Variants in IQSEC2 observed in about 807,000 individuals in gnomAD.
The protein encoded by IQSEC2 is IQ motif and SEC7 domain-containing protein 2.
A neutral mutation model predicts 74.6 loss-of-function variants in IQSEC2; 6 were observed. That is an observed-to-expected ratio of 0.08 (90% confidence interval 0.04 to 0.16). IQSEC2 has a LOEUF of 0.16. IQSEC2 is among the 10% of genes least tolerant of loss of function. The probability of loss-of-function intolerance (pLI) is 1.00; values close to 1 mark genes in which losing one functional copy is unlikely to be tolerated. For synonymous variants in IQSEC2, 494 were observed against 544.5 expected (o/e 0.91, Z 1.29); for missense variants, 734 against 1,306.2 (o/e 0.56, Z 6.75).
At chrX:53,284,359 C>A (rs1275670827) in intron 2 of IQSEC2, among the ~76,000 whole-genome samples, 1 of 109,589 alleles carries the variant, frequency 9.1e-6, no homozygotes, top group African/African-American at 3.3e-5. Context: ...CTCAGCCTTC[C>A]CCCCACCTTC....
At chrX:53,317,154 G>C (rs140777532) in intron 1 of IQSEC2, among the ~76,000 whole-genome samples, 341 of 112,126 alleles carry the variant, frequency 3.0e-3, no homozygotes, top group Non-Finnish European at 5.0e-3. Flanking sequence ...TAATCAACCA[G>C]GCTTGGGGGG....
intron 8 of IQSEC2, among the ~76,000 whole-genome samples, chrX:53,245,182 T>C (rs1206847963): frequency 3.6e-5 from 4 of 110,497 alleles, no homozygotes; most frequent in African/African-American, 1.3e-4. Flanking sequence ...GGCTCACACC[T>C]GTAATCCCAG....
At chrX:53,280,772 G>A (rs1202779939) in intron 2 of IQSEC2, among the ~76,000 whole-genome samples, 1 of 111,721 alleles carries the variant, frequency 9.0e-6, no homozygotes, top group Non-Finnish European at 1.9e-5. Flanking sequence ...GAGGCTGAGG[G>A]CCTGGTCCCT....
chrX:53,255,528 T>A (rs1380119296), intron 3 of IQSEC2, among the ~76,000 whole-genome samples: 1 of 111,755 alleles, frequency 8.9e-6, no homozygotes, highest in African/African-American at 3.3e-5. Context: ...TAGACTGAGT[T>A]TTTTGGGGAC....
At position 53,233,846 on chromosome X, in the gene IQSEC2, G is replaced by A. The variant is rs782677537; in HGVS notation, c.*373C>T. On this transcript the variant is annotated 3_prime_UTR_variant, in exon 15 of 15. Coordinates refer to ENST00000642864, the MANE Select transcript of IQSEC2 (RefSeq NM_001111125.3). ...CAGCTCCGGACACCTGCCCTTCTCC[G>A]CCAGCCAGAGCTCACAGAGAGCTCA... 4 of 296,156 alleles carry A rather than the reference G, an allele frequency of 1.4e-5. No individual in the cohort carries two copies. The highest frequency in any genetic ancestry group is 4.8e-5 in the East Asian group (1 of 20,942). The allele number at this position is 296,156 out of a possible 1,213,427, so 24.4% of individuals were successfully genotyped here.
chrX:53,266,985 T>A, intron 2 of IQSEC2: 1 of 1,155,037 alleles, frequency 8.7e-7, no homozygotes. Flanking sequence ...GAGGGACTAC[T>A]GCACTCGGAG....
chrX:53,287,080 C>T (rs1249955057), intron 2 of IQSEC2, among the ~76,000 whole-genome samples: 4 of 111,093 alleles, frequency 3.6e-5, no homozygotes, highest in East Asian at 2.8e-4. Flanking sequence ...CCTTGGTCCT[C>T]GACTTCCTGG....
rs1249218457 is a variant in IQSEC2, at chrX:53,252,372, AT to A, written c.1402-1199del. Among the ~76,000 whole-genome samples, 3 of 33,545 alleles carry A rather than the reference AT, an allele frequency of 8.9e-5. No homozygotes were observed. In the East Asian group the frequency reaches 1.7e-3, roughly 19 times the overall value. The allele number at this position is 33,545 out of a possible 115,157, so 29.1% of individuals were successfully genotyped here. Reference sequence around the variant, plus strand: ...TACCACACCTGGCCAAAAAAAATTTATTAAAAAAAAAAAAAAAAACTGCAAA... The same window carrying A: ...TACCACACCTGGCCAAAAAAAATTTATAAAAAAAAAAAAAAAAACTGCAAA... On this transcript the variant is annotated intron_variant, in intron 4 of 14. Transcript: ENST00000642864.
intron 2 of IQSEC2, among the ~76,000 whole-genome samples, chrX:53,289,080 CTGCTCTCTCCT>C (rs201173750): frequency 0.077 from 8,539 of 111,043 alleles, 851 homozygotes; most frequent in African/African-American, 0.27. Context: ...TCTACCGACT[CTGCTCTCTCCT>C]TGCTATTCAG....
chrX:53,266,846 C>T, intron 2 of IQSEC2: 1 of 1,076,154 alleles, frequency 9.3e-7, no homozygotes, highest in Middle Eastern at 3.6e-4. Context: ...GCTTGCCCAT[C>T]TGGTTCCTGA....
intron 9 of IQSEC2, 116 bp from the exon 10 acceptor site, chrX:53,242,025 A>C: frequency 1.1e-6 from 1 of 908,257 alleles, no homozygotes; most frequent in Non-Finnish European, 1.6e-6. Flanking sequence ...TGTCACTCTG[A>C]CACAAGGGGT....
At chrX:53,240,646 C>A (rs1167944712) in intron 10 of IQSEC2, among the ~76,000 whole-genome samples, 1 of 112,326 alleles carries the variant, frequency 8.9e-6, no homozygotes, top group Admixed American at 9.4e-5. Flanking sequence ...AGTCATACAT[C>A]CAGTGGGCCA....
Position 53,239,228 on chromosome X carries a change from C to A in IQSEC2, c.3082G>T (p.Val1028Leu). 1 of 1,210,109 alleles carries A rather than the reference C, an allele frequency of 8.3e-7. No homozygotes were observed. The highest frequency in any genetic ancestry group is 1.1e-6 in the Non-Finnish European group (1 of 894,260). ...TGGAAGAGCTGCATGTGCATTTCCA[C>A]GAGGGGGAAAGACTGACGGAAACTG... ...TYSFRQSFPLVEMHMQLFQNS... is the reference protein window; with the variant it reads ...TYSFRQSFPLLEMHMQLFQNS... The change falls in exon 11 of 15, where the codon GTG (valine) becomes TTG (leucine). Residue 1028 changes from valine (V) to leucine (L), a missense_variant. Physicochemically the swap from Val to Leu is conservative, Grantham distance 32 (BLOSUM62 1). Transcript: ENST00000642864.
chrX:53,246,416 A>C (rs148793284), intron 8 of IQSEC2, among the ~76,000 whole-genome samples: 1,811 of 111,708 alleles, frequency 0.016, 41 homozygotes, highest in African/African-American at 0.056. Context: ...GGGTGCTACA[A>C]GTCAGCCTCT....
At chrX:53,279,935 A>G (rs782496508) in intron 2 of IQSEC2, among the ~76,000 whole-genome samples, 1 of 95,267 alleles carries the variant, frequency 1.0e-5, no homozygotes, top group African/African-American at 4.0e-5. Flanking sequence ...GGGAGGGAGG[A>G]AGGAAGGAAG....
chrX:53,291,977 T>C, intron 1 of IQSEC2, 53 bp from the exon 2 acceptor site: 3 of 1,087,324 alleles, frequency 2.8e-6, no homozygotes, highest in East Asian at 3.3e-5. Context: ...CGCTCTCTTC[T>C]CCCTCTGCCC....
chrX:53,302,948 G>C (rs1556875782), intron 1 of IQSEC2, among the ~76,000 whole-genome samples: 1 of 111,596 alleles, frequency 9.0e-6, no homozygotes, highest in South Asian at 3.7e-4. Context: ...TGTGCCTATA[G>C]TCCCAGCTAC....
intron 10 of IQSEC2, among the ~76,000 whole-genome samples, chrX:53,240,317 T>C (rs1434518855): frequency 8.9e-6 from 1 of 111,820 alleles, no homozygotes; most frequent in Non-Finnish European, 1.9e-5. Context: ...ACCTAGTAGG[T>C]AGAGACCAGG....
intron 2 of IQSEC2, among the ~76,000 whole-genome samples, chrX:53,290,975 T>C (rs2075093467): frequency 8.9e-6 from 1 of 112,469 alleles, no homozygotes; most frequent in Non-Finnish European, 1.9e-5. Context: ...CATCTTTTTC[T>C]ATTCTTCACA....
Sources: allele counts gnomAD v4.1 joint callset (sites outside exome capture counted in the v4.1 genomes callset), GRCh38; gene constraint gnomAD v4.1.1; transcripts MANE v1.5; gene names NCBI Gene and HGNC (gene_info 2026-07-23, HGNC 2026-07-21).